ROS1: variants seen among roughly 807,000 people sequenced by gnomAD.
ROS1 encodes the protein ROS proto-oncogene 1, receptor tyrosine kinase.
ROS1 carries 263 observed loss-of-function variants against 273.5 expected under a neutral mutation model. The ratio of observed to expected loss-of-function variants is 0.96; its 90% CI spans 0.87 to 1.06. The LOEUF (loss-of-function observed/expected upper bound fraction) is 1.06. ROS1 is among the 50% of genes least tolerant of loss of function. ROS1 has a pLI of 0.00. For missense variants in ROS1, 2,833 were observed against 2,751.1 expected (o/e 1.03, Z -0.67); for synonymous variants, 1,008 against 954.1 (o/e 1.06, Z -1.04).
At chr6:117,329,084 A>G (rs889711582) in intron 33 of ROS1, among the ~76,000 whole-genome samples, 2 of 152,234 alleles carry the variant, frequency 1.3e-5, no homozygotes, top group African/African-American at 4.8e-5. Flanking sequence ...ATGATCAAAC[A>G]ATTTCCATAA....
chr6:117,365,068 G>C lies in ROS1; in HGVS notation c.3095C>G (p.Pro1032Arg). 9 of 1,613,530 alleles carry C rather than the reference G, an allele frequency of 5.6e-6. No individual in the cohort carries two copies. The highest frequency in any genetic ancestry group is 7.6e-6 in the Non-Finnish European group (9 of 1,179,812). ...GATTTTAACCCCTGTACCTGTTTCAGGTGCTCGAAGTGACAGAGATGTTTT... is the reference window on the plus strand; with the variant it reads ...GATTTTAACCCCTGTACCTGTTTCACGTGCTCGAAGTGACAGAGATGTTTT... Reference protein sequence around the residue: ...GPKTSLSLRAPETVPSAPENP... With the variant: ...GPKTSLSLRARETVPSAPENP... Residue 1032 changes from proline to arginine, a missense_variant, in exon 21 of 44, where the codon CCT becomes CGT. By Grantham distance (103) the Pro-to-Arg change is moderately radical. Coordinates refer to ENST00000368507, the MANE Select transcript of ROS1 (RefSeq NM_001378902.1).
intron 24 of ROS1, among the ~76,000 whole-genome samples, chr6:117,359,015 T>C (rs1398962505): frequency 6.6e-6 from 1 of 152,166 alleles, no homozygotes; most frequent in East Asian, 1.9e-4. Flanking sequence ...CCTGTCTCCT[T>C]AGCACAGTAA....
chr6:117,308,507 G>T (rs1446586100), intron 42 of ROS1, among the ~76,000 whole-genome samples: 1 of 151,590 alleles, frequency 6.6e-6, no homozygotes, highest in African/African-American at 2.4e-5. Flanking sequence ...ACATACACTC[G>T]GAGTGCTTTT....
At chr6:117,374,423 A>G (rs1205877667) in intron 18 of ROS1, among the ~76,000 whole-genome samples, 2 of 152,250 alleles carry the variant, frequency 1.3e-5, no homozygotes, top group East Asian at 3.8e-4. Context: ...GGAAAGCCAC[A>G]TGTAGAAGAA....
chr6:117,382,794 T>C (rs559493464), intron 17 of ROS1, among the ~76,000 whole-genome samples: 1 of 152,092 alleles, frequency 6.6e-6, no homozygotes, highest in Non-Finnish European at 1.5e-5. Flanking sequence ...TACTCTCATA[T>C]AATCTTTATA....
At chr6:117,408,058 T>C (rs1253864014) in intron 5 of ROS1, among the ~76,000 whole-genome samples, 2 of 151,812 alleles carry the variant, frequency 1.3e-5, no homozygotes, top group South Asian at 2.1e-4. Context: ...ATACAAAAAT[T>C]AATTCAAGAT....
At chr6:117,326,022 T>C (rs1426929603) in intron 34 of ROS1, among the ~76,000 whole-genome samples, 1 of 148,678 alleles carries the variant, frequency 6.7e-6, no homozygotes. Context: ...AAAAATGACA[T>C]GATGATAATG....
Position 117,319,946 on chromosome 6 carries a change from T to C in ROS1, c.5844A>G (p.Gly1948=), listed in dbSNP as rs2128558918. The C allele has an allele frequency of 6.2e-7, 1 of 1,613,472 alleles. No individual in the cohort carries two copies. The highest frequency in any genetic ancestry group is 8.5e-7 in the Non-Finnish European group (1 of 1,179,612). The part of the protein sequence containing the change: ...KLTLRLLLGS[G]AFGEVYEGTA... ...TTCCTTCATACACTTCTCCAAAGGC[T>C]CCACTTCCCAGCAAGAGACGCAGAG... The change falls in exon 37 of 44, where the codon GGA becomes GGG. Residue 1948 remains glycine (G), a synonymous_variant. Coordinates refer to ENST00000368507, the MANE Select transcript of ROS1 (RefSeq NM_001378902.1).
At chr6:117,348,289 A>G (rs1778538431) in intron 27 of ROS1, among the ~76,000 whole-genome samples, 1 of 151,916 alleles carries the variant, frequency 6.6e-6, no homozygotes, top group Admixed American at 6.6e-5. Context: ...CAGATTGTCT[A>G]TTTCTTCTTC....
rs1775511388 is a variant in ROS1, at chr6:117,311,103, T to C, written c.6132A>G (p.Leu2044=). Residue 2044 remains leucine, a synonymous_variant, in exon 40 of 44, where the codon TTA becomes TTG. Transcript: ENST00000368507. ...GGTCTACAAGGTCAACCAAGGTGAGTAAAGGACCATAAAACTGTAAGAAAT... is the reference window on the plus strand; with the variant it reads ...GGTCTACAAGGTCAACCAAGGTGAGCAAAGGACCATAAAACTGTAAGAAAT... ...KARMATFYGP[L]LTLVDLVDLC... The C allele has an allele frequency of 1.2e-6, 2 of 1,601,778 alleles. No individual in the cohort carries two copies. Among genetic ancestry groups the C allele is most frequent in the Non-Finnish European group, 1.7e-6 (2 of 1,173,820 alleles).
chr6:117,350,855 C>T (rs1416236360), intron 27 of ROS1, among the ~76,000 whole-genome samples: 1 of 152,026 alleles, frequency 6.6e-6, no homozygotes, highest in East Asian at 1.9e-4. Context: ...CCTCAAATAT[C>T]CATATCTTTG....
At chr6:117,395,195 A>G (rs1773396510) in intron 9 of ROS1, among the ~76,000 whole-genome samples, 1 of 152,198 alleles carries the variant, frequency 6.6e-6, no homozygotes, top group African/African-American at 2.4e-5. Context: ...AAGGAATGAC[A>G]TTGGAAGGCT....
At chr6:117,356,457 A>G (rs909002348) in intron 26 of ROS1, among the ~76,000 whole-genome samples, 172 bp downstream of exon 26, 2 of 152,252 alleles carry the variant, frequency 1.3e-5, no homozygotes, top group Non-Finnish European at 2.9e-5. Flanking sequence ...GAATGCCTAC[A>G]TACAATTTTC....
chr6:117,371,229 G>C (rs1350533946), intron 18 of ROS1, among the ~76,000 whole-genome samples: 1 of 152,164 alleles, frequency 6.6e-6, no homozygotes, highest in African/African-American at 2.4e-5. Flanking sequence ...GCTGCTGTAG[G>C]CTTTGTGAGA....
rs751940090 is a variant in ROS1, at chr6:117,383,464, G to A, written c.2334C>T (p.Thr778=). The change falls in exon 17 of 44, where the codon ACC becomes ACT. Residue 778 remains threonine, a synonymous_variant. Transcript: ENST00000368507. The stretch of plus-strand genomic sequence containing the variant: ...TGTCATTCACCAATAGCTTCACGTG[G>A]GTAACAATGTCTGTGTGTCCCGTCA... The part of the protein sequence containing the change: ...SVLTGHTDIV[T]HVKLLVNDMV... The A allele has an allele frequency of 1.9e-6, 3 of 1,613,854 alleles. No individual in the cohort carries two copies. The highest frequency in any genetic ancestry group is 2.2e-5 in the East Asian group (1 of 44,892).
In ROS1 at chr6:117,353,134, C is replaced by T. The variant is rs1779016748; in HGVS notation, c.4159G>A (p.Asp1387Asn). 5.6e-6 allele frequency: 9 copies of T among 1,612,520 alleles called. No homozygotes were observed. The highest frequency in any genetic ancestry group is 7.6e-6 in the Non-Finnish European group (9 of 1,179,238). ...GCTGTGATGATCCAGTATATAAGAT[C>T]TCCATCCACAGTTAAGCTAACAAGG... Reference protein sequence around the residue: ...KTLVSLTVDGDLIYWIITAKD... With the variant: ...KTLVSLTVDGNLIYWIITAKD... Residue 1387 changes from aspartate (D) to asparagine (N), a missense_variant, in exon 27 of 44, where the codon GAT becomes AAT. Transcript: ENST00000368507.
rs369117647 is a variant in ROS1 at position 117,414,168 on chromosome 6, G to A, written c.255+351C>T. On this transcript the variant is annotated intron_variant, in intron 4 of 43. Transcript: ENST00000368507. The stretch of plus-strand genomic sequence containing the variant: ...AATCAGCAGAGATATCTCTGAATGT[G>A]CCTCTTCCTTCTCTCCCCTCCATTA... Among the ~76,000 whole-genome samples the A allele has an allele frequency of 3.3e-5, 5 of 152,096 alleles. 1 individual carries two copies. The East Asian group carries it at 7.7e-4, about 23-fold the overall frequency.
rs1178874356 is a variant in ROS1 at position 117,288,499 on chromosome 6, G to C, written c.7019C>G (p.Ser2340Cys). ...CLTHSGYGDG[S>C]D is the part of the protein sequence containing the mutation. ...ATTTCCCAAACAACGCTATTAATCA[G>C]ACCCATCTCCATATCCACTGTGAGT... is the stretch of plus-strand genomic sequence containing the variant. The change falls in exon 44 of 44, where the codon TCT becomes TGT. Residue 2340 changes from serine to cysteine, a missense_variant. Ser to Cys is a moderately radical substitution (Grantham distance 112). Transcript: ENST00000368507. 1 of 1,611,778 alleles carries C rather than the reference G, an allele frequency of 6.2e-7. No homozygotes were observed. Among genetic ancestry groups the C allele is most frequent in the Admixed American group, 1.7e-5 (1 of 59,570 alleles).
At chr6:117,342,311 AT>A (rs1417958119) in intron 29 of ROS1, 88 bp downstream of exon 29, 2 of 1,270,412 alleles carry the variant, frequency 1.6e-6, no homozygotes, top group African/African-American at 3.1e-5. Context: ...ATTACTTCGC[AT>A]TCAGATTTTA....
Sources: allele counts gnomAD v4.1 joint callset (sites outside exome capture counted in the v4.1 genomes callset), GRCh38; gene constraint gnomAD v4.1.1; transcripts MANE v1.5; gene names NCBI Gene and HGNC (gene_info 2026-07-23, HGNC 2026-07-21).